RIMS2: variants seen among roughly 807,000 people sequenced by gnomAD.
RIMS2 encodes regulating synaptic membrane exocytosis protein 2.
Under a neutral mutation model 174.4 loss-of-function variants are expected in RIMS2, and 59 were observed. The ratio of observed to expected loss-of-function variants is 0.34; its 90% CI spans 0.27 to 0.42. The LOEUF (loss-of-function observed/expected upper bound fraction) is 0.42, where lower values mean the gene tolerates loss of function less well. Ranked by LOEUF, RIMS2 falls within the 10% of genes least tolerant of loss-of-function variation. RIMS2 has a pLI of 1.00. For synonymous variants in RIMS2, 606 were observed against 572.5 expected (o/e 1.06, Z -0.84); for missense variants, 1,620 against 1,666.3 (o/e 0.97, Z 0.48).
At chr8:104,208,001 T>C (rs1315930597) in intron 19 of RIMS2, among the ~76,000 whole-genome samples, 1 of 152,008 alleles carries the variant, frequency 6.6e-6, no homozygotes, top group Non-Finnish European at 1.5e-5. Flanking sequence ...ACTCCTGGGC[T>C]CAAGCAGTCC....
intron 1 of RIMS2, among the ~76,000 whole-genome samples, chr8:103,630,716 C>G (rs35196143): frequency 0.18 from 27,650 of 151,382 alleles, 2,758 homozygotes; most frequent in African/African-American, 0.26. Context: ...AGAGATGTGC[C>G]AAAAACAGTA....
intron 16 of RIMS2, among the ~76,000 whole-genome samples, chr8:103,984,953 A>G (rs2094224788): frequency 1.3e-5 from 2 of 152,196 alleles, no homozygotes; most frequent in Non-Finnish European, 1.5e-5. Context: ...CAAACATTGC[A>G]TGTTGTCACT....
chr8:104,031,838 T>C (rs974369970), intron 19 of RIMS2, among the ~76,000 whole-genome samples: 7 of 152,164 alleles, frequency 4.6e-5, no homozygotes, highest in Non-Finnish European at 1.0e-4. Flanking sequence ...CTTTTTAAAA[T>C]GCGTGTGTGC....
At chr8:104,156,255 C>G (rs1482495594) in intron 19 of RIMS2, among the ~76,000 whole-genome samples, 1 of 152,168 alleles carries the variant, frequency 6.6e-6, no homozygotes, top group Non-Finnish European at 1.5e-5. Context: ...TGGGCTTTCC[C>G]TCTTAGAAGG....
chr8:103,611,811 A>G (rs1401879611), intron 1 of RIMS2, among the ~76,000 whole-genome samples: 1 of 151,694 alleles, frequency 6.6e-6, no homozygotes, highest in Non-Finnish European at 1.5e-5. Context: ...GAATGCTCAT[A>G]TCTTTCTCTA....
chr8:103,607,985 C>G (rs1481896387), intron 1 of RIMS2, among the ~76,000 whole-genome samples: 1 of 146,788 alleles, frequency 6.8e-6, no homozygotes, highest in Non-Finnish European at 1.5e-5. Context: ...TCGTCTGAAG[C>G]CTTCTTCTCT....
At chr8:104,212,186 A>G (rs143978083) in intron 19 of RIMS2, among the ~76,000 whole-genome samples, 10 of 152,328 alleles carry the variant, frequency 6.6e-5, no homozygotes, top group South Asian at 4.1e-4. Context: ...CGAGAGGTCT[A>G]AGCTAGATAA....
At chr8:103,556,622 C>G (rs1850573061) in intron 1 of RIMS2, among the ~76,000 whole-genome samples, 1 of 152,118 alleles carries the variant, frequency 6.6e-6, no homozygotes. Flanking sequence ...TTAGTTAAGG[C>G]TGGCATAATG....
chr8:104,170,634 A>G (rs890328354), intron 19 of RIMS2, among the ~76,000 whole-genome samples: 2 of 152,100 alleles, frequency 1.3e-5, no homozygotes, highest in African/African-American at 4.8e-5. Context: ...TCTTTTAAGT[A>G]GAGCCTTTAG....
intron 19 of RIMS2, among the ~76,000 whole-genome samples, chr8:104,099,985 T>C (rs1322844411): frequency 6.6e-6 from 1 of 151,910 alleles, no homozygotes; most frequent in African/African-American, 2.4e-5. Flanking sequence ...ACCCAGCTAA[T>C]TTTTTAAAAA....
intron 1 of RIMS2, among the ~76,000 whole-genome samples, chr8:103,531,105 T>C (rs1258230640): frequency 6.6e-6 from 1 of 151,662 alleles, no homozygotes; most frequent in Non-Finnish European, 1.5e-5. Flanking sequence ...CTATAGAATA[T>C]ATGAACAAGT....
At chr8:103,547,341 G>T (rs1050513474) in intron 1 of RIMS2, among the ~76,000 whole-genome samples, 1 of 151,902 alleles carries the variant, frequency 6.6e-6, no homozygotes, top group African/African-American at 2.4e-5. Context: ...AGTGAATGAA[G>T]ATATTGAAAA....
intron 3 of RIMS2, among the ~76,000 whole-genome samples, chr8:103,855,546 G>T (rs775752925): frequency 1.1e-4 from 16 of 151,984 alleles, no homozygotes; most frequent in Non-Finnish European, 2.1e-4. Flanking sequence ...AGAGATTTTG[G>T]TAAGTTGTGT....
At chr8:104,217,720 G>C (rs545178952) in intron 19 of RIMS2, among the ~76,000 whole-genome samples, 1 of 152,232 alleles carries the variant, frequency 6.6e-6, no homozygotes, top group South Asian at 2.1e-4. Context: ...AAATTTATTT[G>C]TACAATATTG....
chr8:104,104,834 C>T (rs1352063271), intron 19 of RIMS2, among the ~76,000 whole-genome samples: 7 of 150,060 alleles, frequency 4.7e-5, no homozygotes, highest in Non-Finnish European at 8.9e-5. Flanking sequence ...GAGCTGAGAT[C>T]ACACCACTGC....
intron 1 of RIMS2, among the ~76,000 whole-genome samples, chr8:103,612,848 C>T (rs1471814136): frequency 1.3e-5 from 2 of 152,282 alleles, no homozygotes; most frequent in Non-Finnish European, 2.9e-5. Flanking sequence ...GGATTACAGG[C>T]GTGAGCCACT....
chr8:104,049,384 C>A (rs1308661812), intron 19 of RIMS2, among the ~76,000 whole-genome samples: 6 of 152,128 alleles, frequency 3.9e-5, no homozygotes, highest in Non-Finnish European at 8.8e-5. Context: ...GAGATCGCGC[C>A]ACTGCACTCC....
chr8:103,856,987 A>C (rs957734319), intron 3 of RIMS2, among the ~76,000 whole-genome samples: 5 of 152,070 alleles, frequency 3.3e-5, no homozygotes, highest in Non-Finnish European at 7.3e-5. Context: ...ATTTCCAATA[A>C]GTTTAAGCTA....
chr8:103,549,628 C>T (rs986572297), intron 1 of RIMS2, among the ~76,000 whole-genome samples: 1 of 152,194 alleles, frequency 6.6e-6, no homozygotes, highest in African/African-American at 2.4e-5. Flanking sequence ...CAATATTAAC[C>T]TTAAATGTAA....
Sources: gnomAD v4.1 joint callset for allele counts (sites outside exome capture counted in the v4.1 genomes callset) on GRCh38, gnomAD v4.1.1 for gene constraint, MANE v1.5 for transcripts, NCBI Gene and HGNC (gene_info 2026-07-23, HGNC 2026-07-21) for gene names.